The following SOBP variants were observed in gnomAD, a reference collection of about 807,000 sequenced individuals.
SOBP encodes the protein sine oculis-binding protein homolog.
In SOBP, 4 loss-of-function variants were observed where a neutral mutation model predicts 53.6. The observed-to-expected ratio is 0.07, with a 90% CI of 0.04 to 0.17. The LOEUF is 0.17. SOBP is among the 10% of genes least tolerant of loss of function. The pLI is 1.00. For missense variants in SOBP, 1,088 were observed against 1,204.7 expected, an observed-to-expected ratio of 0.90 and a Z score of 1.43; for synonymous variants, 584 against 522.6, an observed-to-expected ratio of 1.12 and a Z score of -1.60.
At position 107,635,328 on chromosome 6, in the gene SOBP, C is replaced by G. The variant is rs534738535; in HGVS notation, c.2484C>G (p.Ile828Met). 2 of 1,613,506 alleles carry G rather than the reference C, an allele frequency of 1.2e-6. No individual in the cohort carries two copies. The highest frequency in any genetic ancestry group is 1.7e-5 in the Admixed American group (1 of 60,014). ...TGCTGCCCAAGACCGGCTGCGTGATCCAGCCTGTGCCAAAACCCGCGGAGA... is the reference window on the plus strand; with the variant it reads ...TGCTGCCCAAGACCGGCTGCGTGATGCAGCCTGTGCCAAAACCCGCGGAGA... ...LRMLPKTGCV[I>M]QPVPKPAEKA... Residue 828 changes from isoleucine to methionine, a missense_variant, in exon 6 of 7, where the codon ATC (isoleucine) becomes ATG (methionine). Ile to Met is a conservative substitution (Grantham distance 10). Coordinates refer to ENST00000317357, the MANE Select transcript of SOBP (RefSeq NM_018013.4). This position sits in a 1 kb window ranked among gnomAD's most constrained non-coding sequence, Gnocchi z 4.5.
chr6:107,544,568 A>G (rs1784242157), intron 4 of SOBP, among the ~76,000 whole-genome samples: 1 of 152,218 alleles, frequency 6.6e-6, no homozygotes, highest in African/African-American at 2.4e-5. Context: ...TTCCCTGAGT[A>G]AGTGGGGCTA....
intron 3 of SOBP, chr6:107,514,633 TG>T (rs1292698345): frequency 1.3e-5 from 2 of 152,248 alleles, no homozygotes; most frequent in Non-Finnish European, 2.9e-5. Flanking sequence ...CCAGGAGACC[TG>T]GGTTGCTAAT....
chr6:107,490,549 CCGCCGCCACCACCACCGCCGGCGG>C lies in SOBP; in HGVS notation c.-65_-42del. 1 of 1,219,130 alleles carries C rather than the reference CCGCCGCCACCACCACCGCCGGCGG, an allele frequency of 8.2e-7. No individual in the cohort carries two copies. Among genetic ancestry groups the C allele is most frequent in the Non-Finnish European group, 1.2e-6 (1 of 850,370 alleles). The allele number at this position is 1,219,130 out of a possible 1,614,324, so 75.5% of individuals were successfully genotyped here. A position where few individuals can be genotyped will look rare whatever the true frequency, so the allele number is the denominator to read the frequency against. On this transcript the variant is annotated 5_prime_UTR_variant, in exon 1 of 7. Coordinates refer to ENST00000317357, the MANE Select transcript of SOBP (RefSeq NM_018013.4). The stretch of plus-strand genomic sequence containing the variant: ...ATCAGCACCACCTCCACCGCCGCCG[CCGCCGCCACCACCACCGCCGGCGG>C]CGGCAGCAGCCATTTCATCTCCACA...
chr6:107,501,757 A>T (rs1782848348), intron 1 of SOBP, among the ~76,000 whole-genome samples: 1 of 151,968 alleles, frequency 6.6e-6, no homozygotes, highest in South Asian at 2.1e-4. Flanking sequence ...CATTAAAGGG[A>T]TCTCTTTTGA....
At chr6:107,573,303 C>T (rs945586375) in intron 4 of SOBP, among the ~76,000 whole-genome samples, 1 of 151,702 alleles carries the variant, frequency 6.6e-6, no homozygotes, top group Admixed American at 6.6e-5. Context: ...TTAATCAAGA[C>T]TTTAATGATA....
At chr6:107,510,969 CTAA>C (rs1408805708) in intron 3 of SOBP, among the ~76,000 whole-genome samples, 2 of 152,014 alleles carry the variant, frequency 1.3e-5, no homozygotes, top group South Asian at 2.1e-4. Context: ...TGTGAAAATG[CTAA>C]TAATAATAAT....
Position 107,503,802 on chromosome 6 carries a change from A to G in SOBP, c.235+7A>G. ...CACATTTCTGTTCTCAAAGGTAATG[A>G]CATTTAATGTCCTTTTGTTCATGCA... On this transcript the variant is annotated splice_region_variant and intron_variant, in intron 2 of 6. Transcript: ENST00000317357. 6.2e-7 allele frequency: 1 copy of G among 1,613,870 alleles called. No individual in the cohort carries two copies. The highest frequency in any genetic ancestry group is 8.5e-7 in the Non-Finnish European group (1 of 1,180,012).
rs368557708 is a variant in SOBP, at chr6:107,635,127, G to A, written c.2283G>A (p.Glu761=). The A allele has an allele frequency of 1.3e-5, 21 of 1,612,694 alleles. No individual in the cohort carries two copies. Among genetic ancestry groups the A allele is most frequent in the Non-Finnish European group, 1.8e-5 (21 of 1,179,658 alleles). The change falls in exon 6 of 7, where the codon GAG becomes GAA. Residue 761 remains glutamate (E), a synonymous_variant. Coordinates refer to ENST00000317357, the MANE Select transcript of SOBP (RefSeq NM_018013.4). This position sits in a 1 kb window ranked among gnomAD's most constrained non-coding sequence, Gnocchi z 4.5. ...CCCCCAAGAAGCTGCTGTCGCCTGA[G>A]GAACCGGCGGTGAGCGAGCTAGAGT... The part of the protein sequence containing the change: ...PAPPKKLLSP[E]EPAVSELESV...
intron 5 of SOBP, among the ~76,000 whole-genome samples, chr6:107,592,024 A>G (rs1785776609): frequency 8.0e-6 from 1 of 125,130 alleles, no homozygotes; most frequent in Admixed American, 1.0e-4. Flanking sequence ...TTCTCTGGCT[A>G]GAAACAATCC....
At chr6:107,651,553 G>A (rs1771802442) in intron 6 of SOBP, among the ~76,000 whole-genome samples, 1 of 152,248 alleles carries the variant, frequency 6.6e-6, no homozygotes, top group Non-Finnish European at 1.5e-5. Flanking sequence ...GCAAGGTGAA[G>A]CAGCAAGTGC....
chr6:107,505,187 G>A (rs9486632), intron 2 of SOBP, among the ~76,000 whole-genome samples: 10,456 of 152,192 alleles, frequency 0.069, 493 homozygotes, highest in South Asian at 0.15. Context: ...TATGATACAA[G>A]TTTATAATAC....
chr6:107,645,716 G>A (rs949108175), intron 6 of SOBP, among the ~76,000 whole-genome samples: 2 of 152,232 alleles, frequency 1.3e-5, no homozygotes, highest in East Asian at 3.8e-4. Context: ...ATGAATGAAA[G>A]CGTCTCCATA....
chr6:107,586,329 G>A (rs907789065), intron 4 of SOBP, among the ~76,000 whole-genome samples: 7 of 152,108 alleles, frequency 4.6e-5, no homozygotes, highest in African/African-American at 1.4e-4. Flanking sequence ...CTGCAGACAC[G>A]CCCCCTTTCA....
chr6:107,490,954 C>G (rs1782565256), intron 1 of SOBP, among the ~76,000 whole-genome samples: 1 of 152,122 alleles, frequency 6.6e-6, no homozygotes, highest in Non-Finnish European at 1.5e-5. Flanking sequence ...TTACGAATCC[C>G]AGGTTGGCAC....
At chr6:107,532,364 A>G (rs183438144) in intron 3 of SOBP, among the ~76,000 whole-genome samples, 107 of 151,990 alleles carry the variant, frequency 7.0e-4, no homozygotes, top group African/African-American at 2.6e-3. Flanking sequence ...AGGAAATATT[A>G]CTTAGGTGTC....
intron 3 of SOBP, among the ~76,000 whole-genome samples, chr6:107,518,887 G>A (rs1051924305): frequency 6.6e-6 from 1 of 151,474 alleles, no homozygotes. Context: ...GCCCTAGAAT[G>A]TAATTTGACC....
At chr6:107,533,125 C>T (rs1292994183) in intron 3 of SOBP, among the ~76,000 whole-genome samples, 1 of 148,938 alleles carries the variant, frequency 6.7e-6, no homozygotes, top group Non-Finnish European at 1.5e-5. Flanking sequence ...ATTTTACAAG[C>T]TTCGTTAGTG....
intron 6 of SOBP, among the ~76,000 whole-genome samples, chr6:107,649,572 A>C (rs1290825267): frequency 6.6e-6 from 1 of 152,152 alleles, no homozygotes; most frequent in Middle Eastern, 3.2e-3. Flanking sequence ...GCTCTTGTTC[A>C]AAATTTCCTG....
chr6:107,592,046 T>C (rs542981094), intron 5 of SOBP, among the ~76,000 whole-genome samples: 3 of 144,324 alleles, frequency 2.1e-5, no homozygotes, highest in Admixed American at 7.1e-5. Flanking sequence ...TTGATACTAA[T>C]TAAACTGGGA....
Sources: gnomAD v4.1 joint callset for allele counts (sites outside exome capture counted in the v4.1 genomes callset) on GRCh38, gnomAD v4.1.1 for gene constraint, Gnocchi (gnomAD v3.1) non-coding constraint, MANE v1.5 for transcripts, NCBI Gene and HGNC (gene_info 2026-07-23, HGNC 2026-07-21) for gene names.